C4orf50: variants seen among roughly 807,000 people sequenced by gnomAD.
The protein encoded by C4orf50 is chromosome 4 open reading frame 50.
Under a neutral mutation model 77.2 loss-of-function variants are expected in C4orf50, and 80 were observed. The observed-to-expected ratio is 1.04, with a 90% CI of 0.87 to 1.25. The LOEUF is 1.25. Among genes scored for constraint, C4orf50 ranks in the 50% most tolerant of loss-of-function variants. The probability of loss-of-function intolerance (pLI) is 0.00; values close to 1 mark genes in which losing one functional copy is unlikely to be tolerated. For missense variants in C4orf50, 1,257 were observed against 1,152.9 expected (o/e 1.09, Z -1.31); for synonymous variants, 532 against 465.3 (o/e 1.14, Z -1.84).
chr4:5,989,909 C>A, exon 28 of C4orf50: 1 of 1,430,258 alleles, frequency 7.0e-7, no homozygotes, highest in South Asian at 1.5e-5. Flanking sequence ...AGAAGCAGAG[C>A]ATTTCCAAGC....
Position 5,936,562 on chromosome 4 carries a change from C to CAAAAAAAAAA in C4orf50, c.*2474+20329_*2474+20338dup, listed in dbSNP as rs374200584. ...GGGCAACAATGGCAAGACGCCATCT[C>CAAAAAAAAAA]AAAAAAAAAAAAAAAAAAAAAGAAA... On this transcript the variant is annotated intron_variant, in intron 7 of 7. Transcript: ENST00000324058. 1.0e-3 allele frequency among the ~76,000 whole-genome samples: 78 copies of CAAAAAAAAAA among 75,386 alleles called. 3 individuals are homozygous for CAAAAAAAAAA. Among genetic ancestry groups the CAAAAAAAAAA allele is most frequent in the African/African-American group, 3.2e-3 (60 of 18,906 alleles). The allele number at this position is 75,386 out of a possible 152,430, so 49.5% of individuals were successfully genotyped here.
chr4:5,980,303 A>G (rs1475838207), exon 29 of C4orf50: 1 of 1,612,698 alleles, frequency 6.2e-7, no homozygotes, highest in Non-Finnish European at 8.5e-7. Flanking sequence ...GCAGCCTGGG[A>G]TCCTCCTCAG....
intron 7 of C4orf50, among the ~76,000 whole-genome samples, chr4:5,940,772 T>C (rs910811714): frequency 6.6e-6 from 1 of 152,198 alleles, no homozygotes; most frequent in Non-Finnish European, 1.5e-5. Flanking sequence ...GATTTGAGCC[T>C]GGGCCTCAGG....
At chr4:5,961,227 A>G (rs1349460230) in intron 33 of C4orf50, among the ~76,000 whole-genome samples, 1 of 152,342 alleles carries the variant, frequency 6.6e-6, no homozygotes, top group Non-Finnish European at 1.5e-5. Flanking sequence ...AGGCGGGAGA[A>G]TCGCTCAAAC....
chr4:5,933,188 G>A (rs1471594650), intron 7 of C4orf50, among the ~76,000 whole-genome samples: 1 of 152,188 alleles, frequency 6.6e-6, no homozygotes, highest in Non-Finnish European at 1.5e-5. Context: ...ACAGAGGGTG[G>A]AAGAAGGATC....
At chr4:6,004,226 GTGATGGTGATGA>G (rs1722079863) in intron 25 of C4orf50, among the ~76,000 whole-genome samples, 14 of 29,104 alleles carry the variant, frequency 4.8e-4, no homozygotes, top group Admixed American at 4.5e-3. Flanking sequence ...TGGTGATGAT[GTGATGGTGATGA>G]TGATGGTGAT....
intron 7 of C4orf50, among the ~76,000 whole-genome samples, chr4:5,935,784 T>TAAAAAAAAAAAAAAAAAA (rs769910855): frequency 6.4e-5 from 2 of 31,494 alleles, no homozygotes; most frequent in African/African-American, 1.6e-4. Flanking sequence ...AGACTCCGTC[T>TAAAAAAAAAAAAAAAAAA]AAAAAAAAAA....
intron 31 of C4orf50, among the ~76,000 whole-genome samples, chr4:5,972,581 A>T (rs79701517): frequency 2.5e-3 from 375 of 152,106 alleles, no homozygotes; most frequent in Non-Finnish European, 4.3e-3. Context: ...ACCAGAGGGG[A>T]CCTCTCAAGG....
At chr4:5,995,381 G>T (rs1329524948) in intron 25 of C4orf50, among the ~76,000 whole-genome samples, 1 of 151,996 alleles carries the variant, frequency 6.6e-6, no homozygotes, top group African/African-American at 2.4e-5. Context: ...TCTCCACAGT[G>T]TGGAGCTTCC....
intron 7 of C4orf50, among the ~76,000 whole-genome samples, chr4:5,942,011 T>C (rs912189243): frequency 1.8e-4 from 27 of 152,232 alleles, no homozygotes; most frequent in Non-Finnish European, 3.2e-4. Context: ...TTCAGCTCAA[T>C]TGTGCATGCA....
chr4:5,952,905 A>C (rs1246419637), downstream of C4orf50, among the ~76,000 whole-genome samples: 1 of 152,116 alleles, frequency 6.6e-6, no homozygotes, highest in Non-Finnish European at 1.5e-5. The surrounding 1 kb of genome is among the most constrained non-coding windows in gnomAD (Gnocchi z 4.4). Flanking sequence ...TCCCTATCGT[A>C]AGTTTTGGTT....
chr4:5,976,442 C>T (rs1484485857), intron 29 of C4orf50, among the ~76,000 whole-genome samples: 1 of 122,762 alleles, frequency 8.1e-6, no homozygotes, highest in Non-Finnish European at 1.6e-5. Flanking sequence ...GGCGAGAGAG[C>T]GAGGCTCTGT....
exon 28 of C4orf50, chr4:5,989,040 G>T: frequency 6.5e-7 from 1 of 1,535,984 alleles, no homozygotes; most frequent in Non-Finnish European, 8.7e-7. Context: ...AGTCTTCAAG[G>T]TCAGAGATTG....
chr4:5,976,388 G>A (rs1406016784), intron 29 of C4orf50, among the ~76,000 whole-genome samples: 9 of 151,362 alleles, frequency 5.9e-5, no homozygotes, highest in East Asian at 1.9e-4. Flanking sequence ...CCCAGGAGGC[G>A]GAGCTTGCAG....
chr4:5,906,411 G>A (rs1447171375), intron 7 of C4orf50, among the ~76,000 whole-genome samples: 2 of 152,168 alleles, frequency 1.3e-5, no homozygotes, highest in Non-Finnish European at 2.9e-5. Context: ...CAAGAAGTAT[G>A]GGAGAATACA....
At chr4:6,014,059 A>G (rs532844571) in intron 23 of C4orf50, among the ~76,000 whole-genome samples, 1 of 151,244 alleles carries the variant, frequency 6.6e-6, no homozygotes, top group Non-Finnish European at 1.5e-5. Flanking sequence ...CTGGAGTGCA[A>G]TGGCGTGATC....
rs545878154 is a variant in C4orf50, at chr4:5,970,689, G to A, written c.4104+2970C>T. Among the ~76,000 whole-genome samples the A allele has an allele frequency of 2.5e-4, 38 of 152,324 alleles. No individual in the cohort carries two copies. The highest frequency in any genetic ancestry group is 3.4e-3 in the Middle Eastern group (1 of 294). The stretch of plus-strand genomic sequence containing the variant: ...AATGGAAATACAAAGACTCAGTCAC[G>A]TGCAGGGAGGGGAGGTGGTCACCGA... On this transcript the variant is annotated intron_variant, in intron 31 of 33. Transcript: ENST00000531445. The surrounding 1 kb of genome is among the most constrained non-coding windows in gnomAD (Gnocchi z 4.3).
chr4:5,960,501 T>C (rs1188483585), intron 33 of C4orf50, among the ~76,000 whole-genome samples: 1 of 152,118 alleles, frequency 6.6e-6, no homozygotes, highest in Non-Finnish European at 1.5e-5. Context: ...TTTGCCTCAC[T>C]GGTGGAAGAC....
intron 7 of C4orf50, among the ~76,000 whole-genome samples, chr4:5,921,349 T>C (rs1282477280): frequency 6.6e-6 from 1 of 152,144 alleles, no homozygotes; most frequent in African/African-American, 2.4e-5. Flanking sequence ...AGTCAGGCGG[T>C]GGGCTGGGGG....
Sources: gnomAD v4.1 joint callset for allele counts (sites outside exome capture counted in the v4.1 genomes callset) on GRCh38, gnomAD v4.1.1 for gene constraint, Gnocchi (gnomAD v3.1) non-coding constraint, MANE v1.5 for transcripts, NCBI Gene and HGNC (gene_info 2026-07-23, HGNC 2026-07-21) for gene names.